TUSC3: variants seen among roughly 807,000 people sequenced by gnomAD.
TUSC3 encodes tumor suppressor candidate 3, also known as dolichyl-diphosphooligosaccharide--protein glycosyltransferase subunit TUSC3.
Under a neutral mutation model 44.8 loss-of-function variants are expected in TUSC3, and 45 were observed. That is an observed-to-expected ratio of 1.00 (90% CI 0.79 to 1.29). The LOEUF is 1.29. Ranked by LOEUF, TUSC3 falls within the 50% of genes most tolerant of loss-of-function variation. The pLI is 0.00. For missense variants in TUSC3, 519 were observed against 437.9 expected, an observed-to-expected ratio of 1.19 and a Z score of -1.65; for synonymous variants, 212 against 152.9, an observed-to-expected ratio of 1.39 and a Z score of -2.85.
At chr8:15,570,941 C>T (rs1802848271) in intron 1 of TUSC3, among the ~76,000 whole-genome samples, 1 of 55,960 alleles carries the variant, frequency 1.8e-5, no homozygotes, top group South Asian at 4.5e-4. Context: ...GCTTTCTATT[C>T]CATTGCCTAT....
chr8:15,424,951 A>AATAATTAT (rs1465477402), intron 1 of TUSC3, among the ~76,000 whole-genome samples: 1 of 152,174 alleles, frequency 6.6e-6, no homozygotes, highest in African/African-American at 2.4e-5. Context: ...ACATGTACAA[A>AATAATTAT]AGAATTATAT....
chr8:15,654,566 T>G (rs1807071032), intron 3 of TUSC3, among the ~76,000 whole-genome samples: 1 of 152,146 alleles, frequency 6.6e-6, no homozygotes, highest in African/African-American at 2.4e-5. Context: ...CTAATGAACT[T>G]ATTAAAAAAG....
chr8:15,521,997 G>A (rs1801305868), intron 2 of TUSC3, among the ~76,000 whole-genome samples: 1 of 152,162 alleles, frequency 6.6e-6, no homozygotes, highest in African/African-American at 2.4e-5. Flanking sequence ...AAACTACTGG[G>A]GTTAGAAATG....
At chr8:15,494,297 C>T (rs1318232167) in intron 2 of TUSC3, among the ~76,000 whole-genome samples, 2 of 150,138 alleles carry the variant, frequency 1.3e-5, no homozygotes, top group Non-Finnish European at 3.0e-5. Flanking sequence ...CCCTGAATCT[C>T]CATAGGGCTT....
At chr8:15,827,051 G>A in the TUSC3 span, among the ~76,000 whole-genome samples, 3 of 152,080 alleles carry the variant, frequency 2.0e-5, no homozygotes, top group African/African-American at 7.2e-5. Flanking sequence ...CTCTCCCTTT[G>A]AATTCCCTTC....
the TUSC3 span, among the ~76,000 whole-genome samples, chr8:15,815,457 T>C: frequency 6.6e-6 from 1 of 152,118 alleles, no homozygotes; most frequent in Non-Finnish European, 1.5e-5. Flanking sequence ...TTTCATTGAA[T>C]ACAGGAGACT....
intron 6 of TUSC3, among the ~76,000 whole-genome samples, chr8:15,683,177 G>T (rs577177337): frequency 1.3e-5 from 2 of 152,024 alleles, no homozygotes; most frequent in Non-Finnish European, 2.9e-5. Context: ...TGCATTTCTT[G>T]TATTTGCACT....
At chr8:15,545,667 T>TCTTCCACACA (rs1273018612) in intron 1 of TUSC3, among the ~76,000 whole-genome samples, 1 of 151,638 alleles carries the variant, frequency 6.6e-6, no homozygotes, top group African/African-American at 2.4e-5. Context: ...ACCAGCATGT[T>TCTTCCACACA]TAGTCCCATA....
intron 6 of TUSC3, among the ~76,000 whole-genome samples, chr8:15,717,362 G>C (rs1810097213): frequency 6.6e-6 from 1 of 152,044 alleles, no homozygotes; most frequent in Non-Finnish European, 1.5e-5. Flanking sequence ...AGGTCAAAAT[G>C]GGGATAAGAT....
Position 15,758,630 on chromosome 8 carries a change from G to A in TUSC3, c.*46+775G>A, listed in dbSNP as rs890627880. On this transcript the variant is annotated intron_variant, in intron 10 of 10. Coordinates refer to ENST00000503731, the MANE Select transcript of TUSC3 (RefSeq NM_006765.4). ...CAGCAACCCACTGAACGTAGGGAAGGAATGGGAAGCTCCTGTGTTCCAAAA... is the reference window on the plus strand; with the variant it reads ...CAGCAACCCACTGAACGTAGGGAAGAAATGGGAAGCTCCTGTGTTCCAAAA... Among the ~76,000 whole-genome samples, 15 of 152,164 alleles carry A rather than the reference G, an allele frequency of 9.9e-5. 1 individual carries two copies. The highest frequency in any genetic ancestry group is 3.6e-4 in the African/African-American group (15 of 41,528).
intron 2 of TUSC3, among the ~76,000 whole-genome samples, chr8:15,515,688 G>A (rs1801207263): frequency 6.6e-6 from 1 of 151,726 alleles, no homozygotes; most frequent in Non-Finnish European, 1.5e-5. Context: ...ATTTTTTTGA[G>A]ACGGAGTCTC....
the TUSC3 span, among the ~76,000 whole-genome samples, chr8:15,788,833 ACT>A: frequency 6.6e-6 from 1 of 152,042 alleles, no homozygotes; most frequent in Non-Finnish European, 1.5e-5. Flanking sequence ...TTGCAAAGCC[ACT>A]CTCTTAGTAA....
chr8:15,731,559 C>G (rs563729197), intron 7 of TUSC3, among the ~76,000 whole-genome samples: 1 of 152,176 alleles, frequency 6.6e-6, no homozygotes, highest in South Asian at 2.1e-4. Context: ...TGTAGGAACA[C>G]TAGAGCCCAC....
chr8:15,670,593 A>T (rs1336027619), intron 5 of TUSC3, among the ~76,000 whole-genome samples: 1 of 151,920 alleles, frequency 6.6e-6, no homozygotes, highest in East Asian at 1.9e-4. Flanking sequence ...AGAAGAAAGC[A>T]TGGATATGTA....
downstream of TUSC3, among the ~76,000 whole-genome samples, chr8:15,771,139 G>T (rs1419094038): frequency 6.6e-6 from 1 of 152,164 alleles, no homozygotes; most frequent in Non-Finnish European, 1.5e-5. Context: ...CAAGAATTCT[G>T]TACCTGGCAA....
At chr8:15,760,960 CTG>C (rs1298606701) in intron 10 of TUSC3, among the ~76,000 whole-genome samples, 2 of 152,250 alleles carry the variant, frequency 1.3e-5, no homozygotes, top group East Asian at 3.9e-4. Flanking sequence ...AAATATGTCA[CTG>C]TATCATACTT....
intron 2 of TUSC3, among the ~76,000 whole-genome samples, chr8:15,625,208 ATAT>A (rs1271516168): frequency 6.6e-6 from 1 of 151,710 alleles, no homozygotes; most frequent in African/African-American, 2.4e-5. Flanking sequence ...TAATTGTGTC[ATAT>A]TATTTTATTA....
In TUSC3 at chr8:15,504,401, C is replaced by T. The variant is rs559664442; in HGVS notation, n.189+20918C>T. 1.7e-4 allele frequency among the ~76,000 whole-genome samples: 25 copies of T among 151,490 alleles called. No homozygotes were observed. In the East Asian group the frequency reaches 1.8e-3, roughly 11 times the overall value. Reference sequence around the variant, plus strand: ...AGTGTAATGCCTAGCACAAAATAGGCGTAAACACCCAACAAGGGAAAGTTG... The same window carrying T: ...AGTGTAATGCCTAGCACAAAATAGGTGTAAACACCCAACAAGGGAAAGTTG... On this transcript the variant is annotated intron_variant and non_coding_transcript_variant, in intron 2 of 5. Transcript: ENST00000503191.
chr8:15,672,486 C>A (rs1441432980), intron 5 of TUSC3, among the ~76,000 whole-genome samples: 4 of 152,154 alleles, frequency 2.6e-5, no homozygotes, highest in Admixed American at 2.0e-4. Context: ...AGGCCCAAAG[C>A]AATGGACTTG....
Sources: gnomAD v4.1 joint callset for allele counts (sites outside exome capture counted in the v4.1 genomes callset) on GRCh38, gnomAD v4.1.1 for gene constraint, MANE v1.5 for transcripts, NCBI Gene and HGNC (gene_info 2026-07-23, HGNC 2026-07-21) for gene names.